KLHDC4: variants seen among roughly 807,000 people sequenced by gnomAD.
KLHDC4 encodes the protein kelch domain containing 4.
In KLHDC4, 90 loss-of-function variants were observed where a neutral mutation model predicts 62.4. That is an observed-to-expected ratio of 1.44 (90% CI 1.22 to 1.72). KLHDC4 has a LOEUF of 1.72. Ranked by LOEUF, KLHDC4 falls within the 40% of genes most tolerant of loss-of-function variation. The pLI, the probability that KLHDC4 is intolerant of heterozygous loss-of-function variation, is 0.00. For synonymous variants in KLHDC4, 386 were observed against 284.4 expected (o/e 1.36, Z -3.59); for missense variants, 1,025 against 699.7 (o/e 1.47, Z -5.25).
rs187047234 is a variant in KLHDC4 at position 87,719,540 on chromosome 16, A to G, written c.760-4967T>C. Among the ~76,000 whole-genome samples the G allele has an allele frequency of 4.9e-3, 747 of 152,278 alleles. 4 individuals are homozygous for G. The highest frequency in any genetic ancestry group is 0.018 in the African/African-American group (732 of 41,544). ...GGGACACAAACACACGGAAGGCCGC[A>G]GGGTCCTCTGCCTAGGAAAACCAGA... On this transcript the variant is annotated intron_variant, in intron 7 of 11. Coordinates refer to ENST00000270583, the MANE Select transcript of KLHDC4 (RefSeq NM_017566.4).
chr16:87,764,150 T>C (rs2046270276), intron 1 of KLHDC4, among the ~76,000 whole-genome samples: 1 of 152,224 alleles, frequency 6.6e-6, no homozygotes, highest in Admixed American at 6.5e-5. Context: ...TAGGTTGTAT[T>C]ACAGACACAG....
chr16:87,721,643 C>G (rs971062200), intron 7 of KLHDC4, among the ~76,000 whole-genome samples: 2 of 152,206 alleles, frequency 1.3e-5, no homozygotes, highest in African/African-American at 4.8e-5. Flanking sequence ...TCACACAGTC[C>G]ACACTCGCAA....
At chr16:87,735,959 T>A (rs746330581) in intron 5 of KLHDC4, among the ~76,000 whole-genome samples, 1 of 152,204 alleles carries the variant, frequency 6.6e-6, no homozygotes. Context: ...ACACTCTGCA[T>A]GCAAACGCTT....
chr16:87,738,190 C>T (rs2041665980), intron 5 of KLHDC4, among the ~76,000 whole-genome samples: 3 of 152,166 alleles, frequency 2.0e-5, no homozygotes, highest in Admixed American at 2.0e-4. Context: ...TTAGCTAACT[C>T]GTTGCGGTCC....
rs369878776 is a variant in KLHDC4, at chr16:87,765,766, C to T, written c.99+26G>A. 9 of 1,555,782 alleles carry T rather than the reference C, an allele frequency of 5.8e-6. No individual in the cohort carries two copies. The African/African-American group carries it at 1.2e-4, about 21-fold the overall frequency. The stretch of plus-strand genomic sequence containing the variant: ...AGGCTGCACGGCCGCGACGTCGGGC[C>T]GCTAAGCCCGGTCTGACCCGCTCAC... On this transcript the variant is annotated intron_variant, in intron 1 of 11. Transcript: ENST00000270583.
chr16:87,714,893 A>G (rs2036630441), intron 7 of KLHDC4, among the ~76,000 whole-genome samples: 2 of 152,162 alleles, frequency 1.3e-5, no homozygotes. Context: ...CTCTGATACC[A>G]TTACAGAGTC....
At position 87,754,043 on chromosome 16, in the gene KLHDC4, G is replaced by A. The variant is rs371410844; in HGVS notation, c.369+1151C>T. Among the ~76,000 whole-genome samples the A allele has an allele frequency of 2.2e-4, 34 of 151,966 alleles. No homozygotes were observed. In the South Asian group the frequency reaches 7.1e-3, roughly 32 times the overall value. The stretch of plus-strand genomic sequence containing the variant: ...TAATCCCAGCTACTGGGGAGGCTGA[G>A]GCAGGAGAATCCCTTGAACCCAGGA... On this transcript the variant is annotated intron_variant, in intron 4 of 11. Coordinates refer to ENST00000270583, the MANE Select transcript of KLHDC4 (RefSeq NM_017566.4).
At chr16:87,717,433 C>T (rs1315524618) in intron 7 of KLHDC4, among the ~76,000 whole-genome samples, 1 of 152,226 alleles carries the variant, frequency 6.6e-6, no homozygotes, top group Non-Finnish European at 1.5e-5. Flanking sequence ...CCACTGTCCA[C>T]AGAGACTTCA....
At chr16:87,727,793 C>A (rs1437911629) in intron 6 of KLHDC4, among the ~76,000 whole-genome samples, 1 of 152,192 alleles carries the variant, frequency 6.6e-6, no homozygotes, top group Non-Finnish European at 1.5e-5. Context: ...AGCTCTAGCC[C>A]AAGTCTCAAG....
chr16:87,731,230 A>AT (rs1176492598), intron 5 of KLHDC4, among the ~76,000 whole-genome samples: 1 of 151,362 alleles, frequency 6.6e-6, no homozygotes, highest in Non-Finnish European at 1.5e-5. Flanking sequence ...CACCTGGCTG[A>AT]TTTTTTGTAT....
chr16:87,720,610 G>A (rs574722447), intron 7 of KLHDC4, among the ~76,000 whole-genome samples: 2 of 152,358 alleles, frequency 1.3e-5, no homozygotes, highest in African/African-American at 2.4e-5. Flanking sequence ...GCGGGGCTTG[G>A]GAGAGAGGGA....
At chr16:87,714,353 C>CCCCA in intron 8 of KLHDC4, 145 bp downstream of exon 8, 3 of 990,178 alleles carry the variant, frequency 3.0e-6, no homozygotes, top group Non-Finnish European at 3.9e-6. Flanking sequence ...CGGCCCACCC[C>CCCCA]GAAATGAGCC....
exon 1 of KLHDC4, chr16:87,701,401 A>C (rs2034137575): frequency 3.0e-6 from 1 of 335,360 alleles, no homozygotes; most frequent in Non-Finnish European, 5.9e-6. Flanking sequence ...CATTAGGAAC[A>C]AATGCTCTTT....
At chr16:87,719,163 G>C (rs906622752) in intron 7 of KLHDC4, among the ~76,000 whole-genome samples, 1 of 152,258 alleles carries the variant, frequency 6.6e-6, no homozygotes, top group African/African-American at 2.4e-5. Context: ...CCCCGTCTGG[G>C]AGGAGTACCC....
chr16:87,712,903 A>G (rs1362393213), intron 8 of KLHDC4, among the ~76,000 whole-genome samples: 1 of 152,200 alleles, frequency 6.6e-6, no homozygotes, highest in African/African-American at 2.4e-5. Flanking sequence ...ACAGCCTCCC[A>G]TAAGAGAGCT....
chr16:87,706,721 C>G (rs1398987003), downstream of KLHDC4, among the ~76,000 whole-genome samples: 2 of 152,240 alleles, frequency 1.3e-5, no homozygotes, highest in African/African-American at 4.8e-5. Flanking sequence ...CCCGGCTGCA[C>G]CAGGGAGCTC....
chr16:87,744,391 G>T (rs572716599), intron 5 of KLHDC4, among the ~76,000 whole-genome samples: 11 of 151,164 alleles, frequency 7.3e-5, no homozygotes, highest in Non-Finnish European at 1.3e-4. Context: ...CTCCAGCCTG[G>T]GCGACGAGAA....
At chr16:87,748,170 T>A (rs1356261809) in intron 5 of KLHDC4, among the ~76,000 whole-genome samples, 4 of 152,100 alleles carry the variant, frequency 2.6e-5, no homozygotes, top group Non-Finnish European at 4.4e-5. Context: ...AGAAACCCCA[T>A]CAGCAACATT....
intron 9 of KLHDC4, chr16:87,709,927 G>A (rs58097372): frequency 2.0e-5 from 10 of 512,330 alleles, no homozygotes; most frequent in Admixed American, 3.4e-5. Flanking sequence ...CTGAGGGGCC[G>A]CTCCACACCT....
Sources: allele counts gnomAD v4.1 joint callset (sites outside exome capture counted in the v4.1 genomes callset), GRCh38; gene constraint gnomAD v4.1.1; transcripts MANE v1.5; gene names NCBI Gene and HGNC (gene_info 2026-07-23, HGNC 2026-07-21).